Variants in HMHB1 observed in about 807,000 individuals in gnomAD.
HMHB1 encodes the protein histocompatibility minor HB-1.
HMHB1 carries 4 observed loss-of-function variants against 2.4 expected under a neutral mutation model. The observed-to-expected ratio is 1.65, with a 90% confidence interval of 0.81 to 3.77. The LOEUF is 3.77. HMHB1 is among the 30% of genes most tolerant of loss of function. The pLI is 0.01. For missense variants in HMHB1, 57 were observed against 44.2 expected (o/e 1.29, Z -0.82); for synonymous variants, 22 against 17.6 (o/e 1.25, Z -0.63).
At chr5:143,814,263 T>A (rs547353307) in intron 1 of HMHB1, among the ~76,000 whole-genome samples, 1 of 152,336 alleles carries the variant, frequency 6.6e-6, no homozygotes, top group African/African-American at 2.4e-5. Context: ...TACTTATATT[T>A]TTTTCCTTGC....
intron 1 of HMHB1, among the ~76,000 whole-genome samples, 162 bp from the exon 2 acceptor site, chr5:143,820,318 T>TTAAAAAAAAAAAAAA (rs1224094703): frequency 8.4e-5 from 4 of 47,566 alleles, no homozygotes; most frequent in African/African-American, 2.8e-4. Flanking sequence ...TCATCATAAG[T>TTAAAAAAAAAAAAAA]AAAAAAAAAA....
chr5:143,813,860 A>G (rs1301507664), intron 1 of HMHB1, among the ~76,000 whole-genome samples: 2 of 152,216 alleles, frequency 1.3e-5, no homozygotes, highest in East Asian at 3.8e-4. Context: ...GAGATGGCCA[A>G]TTACAGTATT....
At chr5:143,818,311 G>A (rs1291443910) in intron 1 of HMHB1, among the ~76,000 whole-genome samples, 1 of 152,118 alleles carries the variant, frequency 6.6e-6, no homozygotes, top group Non-Finnish European at 1.5e-5. Flanking sequence ...GGTAGGGTAG[G>A]GATGAAGGAT....
chr5:143,820,242 CTAAT>C (rs1165618123), intron 1 of HMHB1, among the ~76,000 whole-genome samples: 1 of 137,030 alleles, frequency 7.3e-6, no homozygotes, highest in Non-Finnish European at 1.5e-5. Flanking sequence ...ACATGCTTTT[CTAAT>C]GAATGTAAGC....
At chr5:143,812,947 C>T (rs534101734) in intron 1 of HMHB1, among the ~76,000 whole-genome samples, 2 of 111,330 alleles carry the variant, frequency 1.8e-5, no homozygotes, top group East Asian at 6.9e-4. Flanking sequence ...GCCCTGCTGT[C>T]GTGTTTTTTG....
chr5:143,812,201 G>C lies in HMHB1; in HGVS notation c.-67G>C. On this transcript the variant is annotated 5_prime_UTR_variant, in exon 1 of 2. Transcript: ENST00000289448. ...CCGAGGCGGCTTGCCCCGCATCTCAGAAGCCGGGCAGGCCCTGAGCCTTCT... is the reference window on the plus strand; with the variant it reads ...CCGAGGCGGCTTGCCCCGCATCTCACAAGCCGGGCAGGCCCTGAGCCTTCT... 1 of 1,491,762 alleles carries C rather than the reference G, an allele frequency of 6.7e-7. No homozygotes were observed. Among genetic ancestry groups the C allele is most frequent in the South Asian group, 1.2e-5 (1 of 81,050 alleles). 92.4% of individuals were successfully genotyped at this position (1,491,762 alleles called of 1,614,324 possible). A position where few individuals can be genotyped will look rare whatever the true frequency, so the allele number is the denominator to read the frequency against.
intron 1 of HMHB1, among the ~76,000 whole-genome samples, chr5:143,819,523 T>C (rs1391589232): frequency 1.3e-5 from 2 of 151,306 alleles, no homozygotes; most frequent in East Asian, 3.9e-4. Context: ...TAATCCCAGC[T>C]ACTCGGGAGG....
intron 1 of HMHB1, among the ~76,000 whole-genome samples, 162 bp from the exon 2 acceptor site, chr5:143,820,318 T>TAAAAAAAAAAAA (rs60960654): frequency 1.2e-3 from 56 of 47,570 alleles, no homozygotes; most frequent in South Asian, 2.6e-3. Context: ...TCATCATAAG[T>TAAAAAAAAAAAA]AAAAAAAAAA....
chr5:143,815,817 C>T (rs1291767079), intron 1 of HMHB1, among the ~76,000 whole-genome samples: 1 of 150,626 alleles, frequency 6.6e-6, no homozygotes, highest in Non-Finnish European at 1.5e-5. Flanking sequence ...CGCCATTCTC[C>T]TGCCTCAGCC....
At chr5:143,812,481 G>A (rs947721006) in intron 1 of HMHB1, among the ~76,000 whole-genome samples, 177 bp downstream of exon 1, 1 of 152,136 alleles carries the variant, frequency 6.6e-6, no homozygotes, top group Admixed American at 6.5e-5. Flanking sequence ...TATTTAGGGC[G>A]GATAGTTTCC....
At chr5:143,819,653 G>T (rs1396257065) in intron 1 of HMHB1, among the ~76,000 whole-genome samples, 1 of 146,988 alleles carries the variant, frequency 6.8e-6, no homozygotes, top group Non-Finnish European at 1.5e-5. Context: ...AAAAAAAAAA[G>T]GTGGGGGGCG....
At chr5:143,818,996 A>G (rs1213494825) in intron 1 of HMHB1, among the ~76,000 whole-genome samples, 2 of 152,366 alleles carry the variant, frequency 1.3e-5, no homozygotes, top group East Asian at 1.9e-4. Context: ...ACTAGAAAAC[A>G]TAAAAACAAA....
intron 1 of HMHB1, among the ~76,000 whole-genome samples, chr5:143,815,020 C>T (rs1345914022): frequency 6.6e-6 from 1 of 152,188 alleles, no homozygotes; most frequent in Non-Finnish European, 1.5e-5. Context: ...AAATGTTGCT[C>T]TGTCTGATAC....
At chr5:143,814,592 AT>A (rs1433524150) in intron 1 of HMHB1, among the ~76,000 whole-genome samples, 1 of 152,154 alleles carries the variant, frequency 6.6e-6, no homozygotes, top group Admixed American at 6.5e-5. Flanking sequence ...CATCCTCCTC[AT>A]TTTTTATCAC....
intron 1 of HMHB1, among the ~76,000 whole-genome samples, chr5:143,813,632 A>T (rs1265719686): frequency 6.6e-6 from 1 of 152,246 alleles, no homozygotes. Flanking sequence ...TGTCAGTCTC[A>T]TGAGCAGTCC....
At position 143,820,322 on chromosome 5, in the gene HMHB1, A is replaced by T. The variant is rs1174286952; in HGVS notation, c.38-158A>T. ...GCTGCCCCGGCTCATCATAAGTAAA[A>T]AAAAAAAAAAAAAAAAAAAAAAAAA... On this transcript the variant is annotated intron_variant, in intron 1 of 1. Coordinates refer to ENST00000289448, the MANE Select transcript of HMHB1 (RefSeq NM_021182.3). 4.7e-4 allele frequency among the ~76,000 whole-genome samples: 29 copies of T among 61,210 alleles called. 1 individual carries two copies. Among genetic ancestry groups the T allele is most frequent in the African/African-American group, 2.3e-3 (27 of 11,782 alleles). 40.2% of individuals were successfully genotyped at this position (61,210 alleles called of 152,430 possible). A position where few individuals can be genotyped will look rare whatever the true frequency, so the allele number is the denominator to read the frequency against.
At chr5:143,813,826 T>G (rs1217533108) in intron 1 of HMHB1, among the ~76,000 whole-genome samples, 2 of 152,184 alleles carry the variant, frequency 1.3e-5, no homozygotes, top group Admixed American at 1.3e-4. Context: ...TATTTCAGAC[T>G]TTTGCTCCAT....
Position 143,820,526 on chromosome 5 carries a change from T to A in HMHB1, c.84T>A (p.Asp28Glu), listed in dbSNP as rs759051668. The change falls in exon 2 of 2, where the codon GAT becomes GAA. Residue 28 changes from aspartate (D) to glutamate (E), a missense_variant. Coordinates refer to ENST00000289448, the MANE Select transcript of HMHB1 (RefSeq NM_021182.3). ...CGGAATTGGTTGAAGTTGAAGATGA[T>A]GTGTATCTGAGGCACAGCTCTTCCC... 2 of 1,613,130 alleles carry A rather than the reference T, an allele frequency of 1.2e-6. No homozygotes were observed.
intron 1 of HMHB1, among the ~76,000 whole-genome samples, chr5:143,817,566 G>A (rs758651615): frequency 6.6e-6 from 1 of 152,090 alleles, no homozygotes; most frequent in Non-Finnish European, 1.5e-5. Flanking sequence ...TGGTCTATGT[G>A]CCTATTTTTA....
Sources: allele counts gnomAD v4.1 joint callset (sites outside exome capture counted in the v4.1 genomes callset), GRCh38; gene constraint gnomAD v4.1.1; transcripts MANE v1.5; gene names NCBI Gene and HGNC (gene_info 2026-07-23, HGNC 2026-07-21).